The following CCNJL variants were observed in gnomAD, a reference collection of about 807,000 sequenced individuals.
The protein encoded by CCNJL is cyclin-J-like protein.
In CCNJL, 33 loss-of-function variants were observed where a neutral mutation model predicts 33.4. The observed-to-expected ratio is 0.99, with a 90% CI of 0.75 to 1.32. The LOEUF is 1.32. Ranked by LOEUF, CCNJL falls within the 40% of genes most tolerant of loss-of-function variation. CCNJL has a pLI of 0.00. For synonymous variants in CCNJL, 227 were observed against 220.9 expected (o/e 1.03, Z -0.24); for missense variants, 512 against 499.7 (o/e 1.02, Z -0.23).
chr5:160,273,822 T>C (rs1009096204), intron 3 of CCNJL, among the ~76,000 whole-genome samples: 1 of 151,898 alleles, frequency 6.6e-6, no homozygotes, highest in African/African-American at 2.4e-5. Context: ...AATTTTTTTG[T>C]ATTTTTAGTA....
At chr5:160,322,068 G>A (rs1346591420) in intron 1 of CCNJL, among the ~76,000 whole-genome samples, 1 of 152,120 alleles carries the variant, frequency 6.6e-6, no homozygotes, top group Non-Finnish European at 1.5e-5. Context: ...TGAAGGGAGT[G>A]AGGAGGGGCC....
At chr5:160,262,942 G>C (rs1389555320) in intron 3 of CCNJL, among the ~76,000 whole-genome samples, 4 of 152,200 alleles carry the variant, frequency 2.6e-5, no homozygotes, top group Non-Finnish European at 5.9e-5. Flanking sequence ...CAGATGCCTA[G>C]AAGACTTCAG....
At chr5:160,280,472 C>A (rs1214520331) in intron 3 of CCNJL, 53 bp downstream of exon 3, 2 of 1,426,972 alleles carry the variant, frequency 1.4e-6, no homozygotes, top group Non-Finnish European at 2.0e-6. Flanking sequence ...GCCAGGCGCA[C>A]TGAGCGGGAG....
intron 5 of CCNJL, chr5:160,254,258 C>G: frequency 1.8e-6 from 1 of 569,600 alleles, no homozygotes; most frequent in Non-Finnish European, 3.1e-6. Context: ...GCTCCATCCC[C>G]AGCGGGGTCA....
chr5:160,328,866 C>T (rs187329032), intron 1 of CCNJL, among the ~76,000 whole-genome samples: 6 of 150,310 alleles, frequency 4.0e-5, no homozygotes, highest in South Asian at 2.1e-4. Flanking sequence ...GGCAAGAGAG[C>T]GAGACTCTGT....
chr5:160,272,928 G>C (rs1761888501), intron 3 of CCNJL, among the ~76,000 whole-genome samples: 1 of 152,172 alleles, frequency 6.6e-6, no homozygotes, highest in Non-Finnish European at 1.5e-5. Context: ...ATGGCAACCT[G>C]AATGTCCAAA....
upstream of CCNJL, among the ~76,000 whole-genome samples, chr5:160,317,874 T>C (rs1488520559): frequency 6.6e-6 from 1 of 152,178 alleles, no homozygotes; most frequent in East Asian, 1.9e-4. Flanking sequence ...TTTTTCCTCT[T>C]CCTGGTTTTT....
At chr5:160,270,387 T>G (rs1019965261) in intron 3 of CCNJL, among the ~76,000 whole-genome samples, 5 of 151,608 alleles carry the variant, frequency 3.3e-5, no homozygotes, top group Admixed American at 2.6e-4. Context: ...GAGGTTGCGG[T>G]GAGCCGAAAT....
intron 2 of CCNJL, among the ~76,000 whole-genome samples, chr5:160,287,363 G>A (rs1459091269): frequency 1.3e-5 from 2 of 152,318 alleles, no homozygotes; most frequent in East Asian, 3.9e-4. Flanking sequence ...TTGAGCTGAG[G>A]TGCCTCTGTC....
chr5:160,318,257 T>C (rs1763401818), intron 1 of CCNJL, among the ~76,000 whole-genome samples: 1 of 152,328 alleles, frequency 6.6e-6, no homozygotes, highest in South Asian at 2.1e-4. Context: ...CCTCAGGTGA[T>C]CTACCCACCT....
intron 5 of CCNJL, chr5:160,254,334 G>C: frequency 1.5e-6 from 1 of 663,202 alleles, no homozygotes. Context: ...CTGAAAAGGG[G>C]GCTGGAACAG....
intron 2 of CCNJL, among the ~76,000 whole-genome samples, chr5:160,282,636 T>C (rs1291670864): frequency 6.6e-6 from 1 of 151,854 alleles, no homozygotes; most frequent in Admixed American, 6.6e-5. Context: ...AATTTAAAAA[T>C]AGGCAATGAA....
intron 3 of CCNJL, among the ~76,000 whole-genome samples, chr5:160,270,481 C>T (rs538336142): frequency 4.6e-4 from 69 of 151,508 alleles, no homozygotes; most frequent in African/African-American, 9.0e-4. Flanking sequence ...GTGGTATGGA[C>T]GCGCCTGTGG....
chr5:160,279,553 T>G (rs1255970556), intron 3 of CCNJL, among the ~76,000 whole-genome samples: 1 of 152,170 alleles, frequency 6.6e-6, no homozygotes, highest in African/African-American at 2.4e-5. Flanking sequence ...TCAAAGCACA[T>G]GACGCTGAGG....
At chr5:160,331,222 C>CTT (rs574507230) in intron 1 of CCNJL, among the ~76,000 whole-genome samples, 68 of 131,402 alleles carry the variant, frequency 5.2e-4, no homozygotes, top group African/African-American at 1.7e-3. Flanking sequence ...TTCTTTCTTT[C>CTT]TTTTTTTTTT....
At chr5:160,312,112 C>A in intron 1 of CCNJL, 140 bp from the exon 2 acceptor site, 1 of 613,010 alleles carries the variant, frequency 1.6e-6, no homozygotes, top group Admixed American at 2.8e-5. Context: ...GAGGTCGCCT[C>A]TGGTCCGCGG....
intron 1 of CCNJL, among the ~76,000 whole-genome samples, chr5:160,333,057 G>T (rs1416377830): frequency 6.6e-6 from 1 of 152,014 alleles, no homozygotes; most frequent in Non-Finnish European, 1.5e-5. Context: ...TGCCAAAACA[G>T]CAGGATTGCT....
chr5:160,331,732 A>G (rs539047079), intron 1 of CCNJL, among the ~76,000 whole-genome samples: 1 of 152,296 alleles, frequency 6.6e-6, no homozygotes, highest in East Asian at 1.9e-4. Context: ...CTGTGCACTG[A>G]CCGTGATGGG....
chr5:160,338,709 T>C (rs188160841), intron 1 of CCNJL, among the ~76,000 whole-genome samples: 65 of 152,332 alleles, frequency 4.3e-4, no homozygotes, highest in Admixed American at 3.9e-3. Context: ...ACTTAGGTAA[T>C]GCGTATAAAG....
Sources: gnomAD v4.1 joint callset for allele counts (sites outside exome capture counted in the v4.1 genomes callset) on GRCh38, gnomAD v4.1.1 for gene constraint, MANE v1.5 for transcripts, NCBI Gene and HGNC (gene_info 2026-07-23, HGNC 2026-07-21) for gene names.